Variants in GRID2 observed in about 807,000 individuals in gnomAD.
GRID2 encodes glutamate ionotropic receptor delta type subunit 2.
In GRID2, 33 loss-of-function variants were observed where a neutral mutation model predicts 114.8. The observed-to-expected ratio is 0.29, with a 90% CI of 0.22 to 0.38. The LOEUF is 0.38. Among genes scored for constraint, GRID2 ranks in the 10% least tolerant of loss-of-function variants. The probability of loss-of-function intolerance (pLI) is 1.00; values close to 1 mark genes in which losing one functional copy is unlikely to be tolerated. For synonymous variants in GRID2, 505 were observed against 449.9 expected, an observed-to-expected ratio of 1.12 and a Z score of -1.55; for missense variants, 1,184 against 1,257.7, an observed-to-expected ratio of 0.94 and a Z score of 0.89.
At chr4:93,248,889 T>G (rs1748500029) in intron 8 of GRID2, among the ~76,000 whole-genome samples, 1 of 152,210 alleles carries the variant, frequency 6.6e-6, no homozygotes, top group South Asian at 2.1e-4. Flanking sequence ...TCAGGACACC[T>G]GACCCATTGG....
chr4:92,948,680 G>A (rs1322755140), intron 2 of GRID2, among the ~76,000 whole-genome samples: 2 of 151,752 alleles, frequency 1.3e-5, no homozygotes, highest in African/African-American at 2.4e-5. Context: ...TAATTTTTTA[G>A]GGAATGGAAC....
intron 4 of GRID2, among the ~76,000 whole-genome samples, chr4:93,140,794 A>C (rs139364271): frequency 6.6e-6 from 1 of 152,224 alleles, no homozygotes; most frequent in African/African-American, 2.4e-5. Flanking sequence ...TAAATACAGC[A>C]GTATTATGCT....
chr4:92,943,189 T>A (rs112645717), intron 2 of GRID2, among the ~76,000 whole-genome samples: 8 of 152,202 alleles, frequency 5.3e-5, no homozygotes, highest in Admixed American at 6.5e-5. Flanking sequence ...CCATTCTCCC[T>A]GTCACTTTCA....
Position 93,366,733 on chromosome 4 carries a change from C to T in GRID2, c.1246-28874C>T, listed in dbSNP as rs572951953. Among the ~76,000 whole-genome samples the T allele has an allele frequency of 6.1e-4, 92 of 152,038 alleles. 1 individual carries two copies. The highest frequency in any genetic ancestry group is 8.9e-4 in the African/African-American group (37 of 41,496). On this transcript the variant is annotated intron_variant, in intron 8 of 15. Coordinates refer to ENST00000282020, the MANE Select transcript of GRID2 (RefSeq NM_001510.4). ...ACCGACATGTGATGTCTACCCCGGA[C>T]GCCCGGCTTTAAAATTTCTCTCTTT...
intron 8 of GRID2, among the ~76,000 whole-genome samples, chr4:93,355,555 T>C (rs778467854): frequency 6.6e-6 from 1 of 152,060 alleles, no homozygotes; most frequent in Non-Finnish European, 1.5e-5. Context: ...ACACCTGAAA[T>C]TGGCACAGCA....
chr4:92,356,143 A>G (rs984925268), intron 1 of GRID2, among the ~76,000 whole-genome samples: 1 of 151,640 alleles, frequency 6.6e-6, no homozygotes, highest in African/African-American at 2.4e-5. Context: ...GCTAACTTTC[A>G]TATTTTAAAA....
chr4:93,358,300 T>C (rs1312280235), intron 8 of GRID2, among the ~76,000 whole-genome samples: 1 of 151,884 alleles, frequency 6.6e-6, no homozygotes, highest in Non-Finnish European at 1.5e-5. Flanking sequence ...GACTCTTTTC[T>C]TGTTCCTGAT....
chr4:93,269,636 T>C (rs1349116049), intron 8 of GRID2, among the ~76,000 whole-genome samples: 2 of 152,174 alleles, frequency 1.3e-5, no homozygotes, highest in African/African-American at 2.4e-5. Flanking sequence ...GTTTGTAAAA[T>C]CCATTGAGGG....
At chr4:93,030,672 A>G (rs1724329902) in intron 2 of GRID2, among the ~76,000 whole-genome samples, 1 of 152,146 alleles carries the variant, frequency 6.6e-6, no homozygotes, top group Non-Finnish European at 1.5e-5. Context: ...GGTGTGAGAC[A>G]CCACGCCCAG....
intron 2 of GRID2, among the ~76,000 whole-genome samples, chr4:92,755,410 G>A (rs959719122): frequency 6.6e-6 from 1 of 152,108 alleles, no homozygotes; most frequent in African/African-American, 2.4e-5. Context: ...CTATCTTCAA[G>A]TACTATTACC....
intron 2 of GRID2, among the ~76,000 whole-genome samples, chr4:92,788,329 G>A (rs1023148473): frequency 1.3e-5 from 2 of 151,838 alleles, no homozygotes; most frequent in African/African-American, 2.4e-5. Context: ...AGCAAGAGCA[G>A]GTGTTATAGA....
At chr4:93,077,200 A>G (rs1729411735) in intron 2 of GRID2, among the ~76,000 whole-genome samples, 2 of 152,220 alleles carry the variant, frequency 1.3e-5, no homozygotes, top group African/African-American at 2.4e-5. Context: ...ATTAGGAGTA[A>G]AATTAACATT....
At chr4:93,287,555 A>G (rs1174117606) in intron 8 of GRID2, among the ~76,000 whole-genome samples, 1 of 152,218 alleles carries the variant, frequency 6.6e-6, no homozygotes, top group African/African-American at 2.4e-5. Flanking sequence ...TATGACAAGG[A>G]GAAATTCAGA....
At chr4:93,580,511 A>G (rs1211579023) in intron 13 of GRID2, among the ~76,000 whole-genome samples, 1 of 152,208 alleles carries the variant, frequency 6.6e-6, no homozygotes, top group Non-Finnish European at 1.5e-5. Flanking sequence ...CTTACAAGAT[A>G]GCTATGAAAG....
intron 1 of GRID2, among the ~76,000 whole-genome samples, chr4:92,441,453 T>C (rs191434450): frequency 6.6e-6 from 1 of 152,094 alleles, no homozygotes; most frequent in Non-Finnish European, 1.5e-5. Flanking sequence ...ATGTTTGAGA[T>C]ATAGAACAGA....
chr4:93,014,810 C>T (rs1226684994), intron 2 of GRID2, among the ~76,000 whole-genome samples: 1 of 152,220 alleles, frequency 6.6e-6, no homozygotes, highest in Admixed American at 6.6e-5. Context: ...GTGTCTACAT[C>T]ATTATCCTAA....
intron 7 of GRID2, among the ~76,000 whole-genome samples, chr4:93,229,396 C>A (rs969401160): frequency 1.7e-4 from 26 of 152,122 alleles, no homozygotes; most frequent in Non-Finnish European, 3.5e-4. Context: ...GGTTCCCACT[C>A]ATGCGGGCTG....
At chr4:93,068,311 G>A (rs561420336) in intron 2 of GRID2, among the ~76,000 whole-genome samples, 36 of 152,144 alleles carry the variant, frequency 2.4e-4, no homozygotes, top group African/African-American at 7.2e-4. Flanking sequence ...AATGGTCACT[G>A]TGTACAAGTA....
At chr4:92,629,906 A>ATAATTATATAATTATATAATTATAT in intron 2 of GRID2, among the ~76,000 whole-genome samples, 1 of 147,706 alleles carries the variant, frequency 6.8e-6, no homozygotes, top group Non-Finnish European at 1.5e-5. Flanking sequence ...ACATATTTAT[A>ATAATTATATAATTATATAATTATAT]AATTATATAA....
Sources: gnomAD v4.1 joint callset for allele counts (sites outside exome capture counted in the v4.1 genomes callset) on GRCh38, gnomAD v4.1.1 for gene constraint, MANE v1.5 for transcripts, NCBI Gene and HGNC (gene_info 2026-07-23, HGNC 2026-07-21) for gene names.